ME3: variants seen among roughly 807,000 people sequenced by gnomAD.
ME3 encodes malic enzyme 3.
ME3 carries 48 observed loss-of-function variants against 68.9 expected under a neutral mutation model. That is an observed-to-expected ratio of 0.70 (90% CI 0.55 to 0.89). The LOEUF (loss-of-function observed/expected upper bound fraction) is 0.89, where lower values mean the gene tolerates loss of function less well. Among genes scored for constraint, ME3 ranks in the 40% least tolerant of loss-of-function variants. ME3 has a pLI of 0.00. For synonymous variants in ME3, 320 were observed against 318.8 expected, an observed-to-expected ratio of 1.00 and a Z score of -0.04; for missense variants, 675 against 797.4, an observed-to-expected ratio of 0.85 and a Z score of 1.85.
intron 2 of ME3, among the ~76,000 whole-genome samples, chr11:86,614,653 A>G (rs1432021333): frequency 6.6e-6 from 1 of 152,124 alleles, no homozygotes; most frequent in East Asian, 1.9e-4. Flanking sequence ...AGCAACAGGC[A>G]CCAACCAGGT....
intron 4 of ME3, among the ~76,000 whole-genome samples, chr11:86,526,189 C>T (rs999149539): frequency 3.3e-5 from 5 of 152,224 alleles, no homozygotes; most frequent in African/African-American, 9.6e-5. Flanking sequence ...GCTGTTCCAA[C>T]AGTCTTAGCA....
intron 4 of ME3, among the ~76,000 whole-genome samples, chr11:86,529,302 A>C (rs1955019656): frequency 6.6e-6 from 1 of 152,184 alleles, no homozygotes; most frequent in African/African-American, 2.4e-5. Context: ...CCAAGACTAA[A>C]CCAGGAAGAA....
chr11:86,558,183 T>A (rs771493721), intron 3 of ME3, among the ~76,000 whole-genome samples: 1 of 152,198 alleles, frequency 6.6e-6, no homozygotes, highest in Non-Finnish European at 1.5e-5. Flanking sequence ...AATTTAACTT[T>A]TAGAGCTTAA....
chr11:86,521,912 C>T (rs537547708), intron 4 of ME3, among the ~76,000 whole-genome samples: 4 of 152,174 alleles, frequency 2.6e-5, no homozygotes, highest in Admixed American at 2.6e-4. Flanking sequence ...CATCCATATC[C>T]ACAGGTTCTA....
chr11:86,662,171 A>T (rs1208226883), intron 2 of ME3, among the ~76,000 whole-genome samples: 1 of 152,228 alleles, frequency 6.6e-6, no homozygotes, highest in African/African-American at 2.4e-5. Context: ...CTAGTCCCAG[A>T]TAAGAGGGAA....
At chr11:86,658,817 G>A (rs1014430604) in intron 2 of ME3, among the ~76,000 whole-genome samples, 13 of 152,262 alleles carry the variant, frequency 8.5e-5, no homozygotes, top group Admixed American at 7.8e-4. Context: ...GGGAGTGTGA[G>A]AACAGGGGAA....
chr11:86,592,905 G>C (rs1399934003), intron 2 of ME3, among the ~76,000 whole-genome samples: 5 of 152,136 alleles, frequency 3.3e-5, no homozygotes, highest in African/African-American at 1.2e-4. Context: ...AAACACACCT[G>C]CATTTGAGTC....
chr11:86,524,769 G>A (rs144241624), intron 4 of ME3, among the ~76,000 whole-genome samples: 13 of 152,312 alleles, frequency 8.5e-5, no homozygotes, highest in Admixed American at 3.3e-4. Flanking sequence ...AAACTTCAGG[G>A]ACCATGATCC....
chr11:86,448,139 C>T lies in ME3; in HGVS notation c.1237+11G>A. 1 of 1,590,310 alleles carries T rather than the reference C, an allele frequency of 6.3e-7. No homozygotes were observed. The highest frequency in any genetic ancestry group is 1.3e-5 in the African/African-American group (1 of 74,546). On this transcript the variant is annotated intron_variant, in intron 11 of 14. Transcript: ENST00000543262. ...GCTGGGCTGGGTAGTGGGTACCCTC[C>T]CTCCTCCTACCTATGATGGCTGTGG...
intron 2 of ME3, among the ~76,000 whole-genome samples, chr11:86,585,856 A>T (rs1321954424): frequency 6.6e-6 from 1 of 152,158 alleles, no homozygotes; most frequent in Non-Finnish European, 1.5e-5. Context: ...CAGCGGAAAG[A>T]AAGAAGGAGA....
chr11:86,662,249 ACTCAGTT>A (rs1367860033), intron 2 of ME3, among the ~76,000 whole-genome samples: 1 of 152,144 alleles, frequency 6.6e-6, no homozygotes, highest in African/African-American at 2.4e-5. Context: ...TGAGTTCAAG[ACTCAGTT>A]CTGCCACTAT....
chr11:86,639,616 TTCTC>T (rs984975411), intron 2 of ME3, among the ~76,000 whole-genome samples: 21 of 152,326 alleles, frequency 1.4e-4, no homozygotes, highest in African/African-American at 4.6e-4. Flanking sequence ...TCAAAGCTAA[TTCTC>T]TCTCAGATGA....
chr11:86,509,403 C>A (rs1421003954), intron 4 of ME3, among the ~76,000 whole-genome samples: 1 of 15,288 alleles, frequency 6.5e-5, no homozygotes, highest in Non-Finnish European at 2.1e-4. Context: ...CATCATCACA[C>A]ACACACACAC....
intron 4 of ME3, among the ~76,000 whole-genome samples, chr11:86,535,774 T>C (rs1189361885): frequency 6.6e-6 from 1 of 152,200 alleles, no homozygotes; most frequent in Non-Finnish European, 1.5e-5. Context: ...AACAAAGTTA[T>C]AGAGTTAGAG....
In ME3 at chr11:86,447,868, AAAAAAAAGAC is replaced by A. The variant is rs1321519262; in HGVS notation, c.1237+272_1237+281del. Among the ~76,000 whole-genome samples, 5 of 145,748 alleles carry A rather than the reference AAAAAAAAGAC, an allele frequency of 3.4e-5. No individual in the cohort carries two copies. In the South Asian group the frequency reaches 6.7e-4, roughly 20 times the overall value. On this transcript the variant is annotated intron_variant, in intron 11 of 14. Transcript: ENST00000543262. ...GCTAAACTCTGTCAAAAAAAAAAAA[AAAAAAAAGAC>A]AGAGAGAAAGAGAGAGAGAGACAGA... is the stretch of plus-strand genomic sequence containing the variant.
chr11:86,604,321 A>G (rs1961275827), intron 2 of ME3, among the ~76,000 whole-genome samples: 1 of 152,102 alleles, frequency 6.6e-6, no homozygotes, highest in Admixed American at 6.5e-5. Context: ...GTCATGAACC[A>G]GTCTTTCAGG....
At chr11:86,620,316 T>A (rs760272420) in intron 2 of ME3, among the ~76,000 whole-genome samples, 15 of 152,220 alleles carry the variant, frequency 9.9e-5, no homozygotes, top group Non-Finnish European at 1.8e-4. Context: ...GCAATTTGCC[T>A]TCATGAAATG....
At position 86,614,642 on chromosome 11, in the gene ME3, T is replaced by G. The variant is rs138382927; in HGVS notation, c.184-54819A>C. Among the ~76,000 whole-genome samples the G allele has an allele frequency of 1.3e-5, 2 of 152,300 alleles. 1 individual carries two copies. Among genetic ancestry groups the G allele is most frequent in the East Asian group, 3.9e-4 (2 of 5,182 alleles). ...TCAATTCCTTGTCTTCTCAGCTTTT[T>G]AGCAACAGGCACCAACCAGGTGCCT... On this transcript the variant is annotated intron_variant, in intron 2 of 14. Coordinates refer to ENST00000543262, the Ensembl canonical transcript of ME3.
intron 7 of ME3, among the ~76,000 whole-genome samples, chr11:86,466,084 TG>T (rs1950465332): frequency 6.6e-6 from 1 of 152,182 alleles, no homozygotes; most frequent in African/African-American, 2.4e-5. Context: ...TGACTGAGTT[TG>T]TTCGAGTTTT....
Sources: allele counts gnomAD v4.1 joint callset (sites outside exome capture counted in the v4.1 genomes callset), GRCh38; gene constraint gnomAD v4.1.1; transcripts MANE v1.5; gene names NCBI Gene and HGNC (gene_info 2026-07-23, HGNC 2026-07-21).